CLINT1: variants seen among roughly 807,000 people sequenced by gnomAD.
CLINT1 encodes the protein clathrin interactor 1.
CLINT1 carries 15 observed loss-of-function variants against 70.4 expected under a neutral mutation model. The ratio of observed to expected loss-of-function variants is 0.21; its 90% CI spans 0.14 to 0.33. The LOEUF (loss-of-function observed/expected upper bound fraction) is 0.33. Among genes scored for constraint, CLINT1 ranks in the 10% least tolerant of loss-of-function variants. The pLI, the probability that CLINT1 is intolerant of heterozygous loss-of-function variation, is 1.00. For synonymous variants in CLINT1, 227 were observed against 254.7 expected (o/e 0.89, Z 1.04); for missense variants, 615 against 778.1 (o/e 0.79, Z 2.49).
chr5:157,852,136 A>G (rs923322242), intron 1 of CLINT1, among the ~76,000 whole-genome samples: 16 of 152,194 alleles, frequency 1.1e-4, no homozygotes, highest in Non-Finnish European at 2.1e-4. Context: ...ATGTTTTAGT[A>G]ATGTTTTACA....
chr5:157,809,345 A>G (rs1762475837), intron 6 of CLINT1: 1 of 294,996 alleles, frequency 3.4e-6, no homozygotes, highest in South Asian at 6.6e-5. Context: ...AAGTGTATCC[A>G]TACTGGCTTT....
rs1261858464 is a variant in CLINT1, at chr5:157,810,435, T to G, written c.518-630A>C. Among the ~76,000 whole-genome samples the G allele has an allele frequency of 7.2e-5, 11 of 152,270 alleles. No individual in the cohort carries two copies. In the East Asian group the frequency reaches 1.9e-3, roughly 27 times the overall value. Reference sequence around the variant, plus strand: ...CTACCAAAAACTACACATACTAGAATCAGGAAGTATGCTCAAACAGTAGTT... The same window carrying G: ...CTACCAAAAACTACACATACTAGAAGCAGGAAGTATGCTCAAACAGTAGTT... On this transcript the variant is annotated intron_variant, in intron 5 of 11. Coordinates refer to ENST00000411809, the MANE Select transcript of CLINT1 (RefSeq NM_014666.4).
At chr5:157,830,814 AT>A in intron 1 of CLINT1, among the ~76,000 whole-genome samples, 1 of 149,110 alleles carries the variant, frequency 6.7e-6, no homozygotes, top group Non-Finnish European at 1.5e-5. Context: ...ATATATATAT[AT>A]AGAAACACAT....
At chr5:157,791,477 C>A in intron 10 of CLINT1, 1 of 522,172 alleles carries the variant, frequency 1.9e-6, no homozygotes, top group Non-Finnish European at 3.4e-6. Flanking sequence ...ACAGTGACTA[C>A]AAGATGGGGG....
rs114884293 is a variant in CLINT1, at chr5:157,835,754, T to C, written c.42-18207A>G. On this transcript the variant is annotated intron_variant, in intron 1 of 11. Transcript: ENST00000411809. ...CACAAAGCCAGCTCTTTTGGGGGCA[T>C]GACTAGAAAGACTTATTAATTTACT... 6.7e-3 allele frequency among the ~76,000 whole-genome samples: 1,026 copies of C among 152,276 alleles called. 9 individuals carry two copies. The highest frequency in any genetic ancestry group is 0.023 in the African/African-American group (955 of 41,544).
rs1213516298 is a variant in CLINT1, at chr5:157,789,422, G to C, written c.1472C>G (p.Pro491Arg). The change falls in exon 11 of 12, where the codon CCT (proline) becomes CGT (arginine). Residue 491 changes from proline (P) to arginine (R), a missense_variant. Coordinates refer to ENST00000411809, the MANE Select transcript of CLINT1 (RefSeq NM_014666.4). ...CTGGGGTTTGGAAGGCTGCATACCA[G>C]GTAGTAAGTTGTCTAGGCTGATGTT... ...SVNISLDNLL[P>R]GMQPSKPQQP... 1 of 1,613,962 alleles carries C rather than the reference G, an allele frequency of 6.2e-7. No homozygotes were observed. Among genetic ancestry groups the C allele is most frequent in the Admixed American group, 1.7e-5 (1 of 60,024 alleles).
chr5:157,823,781 G>C (rs891910566), intron 1 of CLINT1: 1 of 784,192 alleles, frequency 1.3e-6, no homozygotes, highest in Non-Finnish European at 1.5e-6. Flanking sequence ...CCCAACCCCC[G>C]GAGTTGCGGA....
chr5:157,826,773 C>T (rs374945950), intron 1 of CLINT1, among the ~76,000 whole-genome samples: 15 of 152,224 alleles, frequency 9.9e-5, no homozygotes, highest in South Asian at 2.1e-4. Flanking sequence ...GGAAATGTAA[C>T]GCAAGAAATT....
At position 157,787,831 on chromosome 5, in the gene CLINT1, G is replaced by A. The variant is rs377044151; in HGVS notation, c.1693C>T (p.Pro565Ser). 2 of 1,613,846 alleles carry A rather than the reference G, an allele frequency of 1.2e-6. No homozygotes were observed. Among genetic ancestry groups the A allele is most frequent in the Non-Finnish European group, 1.7e-6 (2 of 1,179,868 alleles). ...TTCATCATCGGAGTATTTCCAAGAGGGGCCATTCCCATGGTGCCAGTCATC... is the reference window on the plus strand; with the variant it reads ...TTCATCATCGGAGTATTTCCAAGAGAGGCCATTCCCATGGTGCCAGTCATC... Reference protein sequence around the residue: ...NVMTGTMGMAPLGNTPMMNQS... With the variant: ...NVMTGTMGMASLGNTPMMNQS... Residue 565 changes from proline to serine, a missense_variant, in exon 12 of 12, where the codon CCT becomes TCT. Around this residue, in one of 2 missense-constraint regions of CLINT1, gnomAD observed 374 missense variants for 409.6 expected, o/e 0.91. Transcript: ENST00000411809.
chr5:157,835,368 C>T (rs546951378), intron 1 of CLINT1, among the ~76,000 whole-genome samples: 6 of 152,126 alleles, frequency 3.9e-5, no homozygotes, highest in African/African-American at 1.4e-4. Flanking sequence ...AATAAAAACA[C>T]ACATAAAAAA....
intron 10 of CLINT1, 183 bp downstream of exon 10, chr5:157,791,520 A>G: frequency 1.7e-6 from 1 of 603,944 alleles, no homozygotes; most frequent in South Asian, 2.1e-5. Flanking sequence ...GCAAATGACT[A>G]TGCTAGGGGA....
At chr5:157,790,718 A>C (rs1297257096) in intron 10 of CLINT1, 1 of 444,696 alleles carries the variant, frequency 2.2e-6, no homozygotes, top group Non-Finnish European at 4.5e-6. Context: ...CAAAAATAGC[A>C]AGTTCCTGGT....
chr5:157,814,042 C>A (rs1485966671), intron 4 of CLINT1, 143 bp downstream of exon 4: 2 of 623,642 alleles, frequency 3.2e-6, no homozygotes, highest in Admixed American at 5.4e-5. Context: ...TACTCTAGGG[C>A]CCCACGTCTT....
rs1338618639 is a variant in CLINT1 at position 157,803,739 on chromosome 5, T to G, written c.943-20A>C. On this transcript the variant is annotated intron_variant, in intron 7 of 11. Coordinates refer to ENST00000411809, the MANE Select transcript of CLINT1 (RefSeq NM_014666.4). ...TGAAGTCTGAAAACACACACATAAC[T>G]CAGGAGCTTCGAAAAGTTTGTTTTT... is the stretch of plus-strand genomic sequence containing the variant. The G allele has an allele frequency of 5.9e-6, 9 of 1,513,816 alleles. No individual in the cohort carries two copies. Among genetic ancestry groups the G allele is most frequent in the Non-Finnish European group, 7.1e-6 (8 of 1,119,856 alleles). The allele number at this position is 1,513,816 out of a possible 1,614,324, so 93.8% of individuals were successfully genotyped here.
chr5:157,791,045 T>C (rs1761885734), intron 10 of CLINT1, among the ~76,000 whole-genome samples: 1 of 152,002 alleles, frequency 6.6e-6, no homozygotes, highest in African/African-American at 2.4e-5. Flanking sequence ...AGTGAAACAA[T>C]ATCTCTATTT....
chr5:157,859,093 T>G lies in CLINT1; in HGVS notation c.-123A>C, dbSNP rs1402208973. ...CGCCCGCCGCCTCGAACTCCCCCAG[T>G]CAGCTCCTTCCTTTGCCACAGCAGC... On this transcript the variant is annotated 5_prime_UTR_variant, in exon 1 of 12. Transcript: ENST00000411809. 74 of 1,034,646 alleles carry G rather than the reference T, an allele frequency of 7.2e-5. No individual in the cohort carries two copies. The East Asian group carries it at 2.2e-3, about 31-fold the overall frequency. 64.1% of individuals were successfully genotyped at this position (1,034,646 alleles called of 1,614,324 possible). A position where few individuals can be genotyped will look rare whatever the true frequency, so the allele number is the denominator to read the frequency against.
chr5:157,814,903 C>T (rs977914209), intron 3 of CLINT1, among the ~76,000 whole-genome samples: 2 of 151,752 alleles, frequency 1.3e-5, no homozygotes, highest in African/African-American at 4.8e-5. Flanking sequence ...CATGGTGGCC[C>T]ACGCCTGTAA....
intron 8 of CLINT1, among the ~76,000 whole-genome samples, chr5:157,800,161 A>G (rs1015010020): frequency 6.6e-6 from 1 of 152,162 alleles, no homozygotes; most frequent in Non-Finnish European, 1.5e-5. Flanking sequence ...TTACATATAT[A>G]TTTTTAAACT....
intron 1 of CLINT1, among the ~76,000 whole-genome samples, chr5:157,834,437 C>T (rs1392160112): frequency 2.6e-5 from 4 of 151,302 alleles, no homozygotes; most frequent in Non-Finnish European, 4.4e-5. Context: ...TTCTGAGTAA[C>T]AGAACAAAGG....
Sources: gnomAD v4.1 joint callset for allele counts (sites outside exome capture counted in the v4.1 genomes callset) on GRCh38, gnomAD v4.1.1 for gene constraint, gnomAD v4.1.1 regional missense constraint, MANE v1.5 for transcripts, NCBI Gene and HGNC (gene_info 2026-07-23, HGNC 2026-07-21) for gene names.